The following VRK2 variants were observed in gnomAD, a reference collection of about 807,000 sequenced individuals.
VRK2 encodes the protein VRK serine/threonine kinase 2.
In VRK2, 60 loss-of-function variants were observed where a neutral mutation model predicts 57.6. The observed-to-expected ratio is 1.04, with a 90% confidence interval of 0.85 to 1.29. The LOEUF (loss-of-function observed/expected upper bound fraction) is 1.29. Ranked by LOEUF, VRK2 falls within the 50% of genes most tolerant of loss-of-function variation. The pLI is 0.00. For missense variants in VRK2, 705 were observed against 588.1 expected (o/e 1.20, Z -2.06); for synonymous variants, 231 against 199.2 (o/e 1.16, Z -1.35).
At chr2:57,931,698 G>A (rs1311571967) in intron 1 of VRK2, among the ~76,000 whole-genome samples, 1 of 151,998 alleles carries the variant, frequency 6.6e-6, no homozygotes, top group East Asian at 1.9e-4. Flanking sequence ...CAAGATCGAT[G>A]TCATGGACAT....
intron 7 of VRK2, among the ~76,000 whole-genome samples, chr2:58,111,671 A>G (rs1381482384): frequency 2.0e-5 from 3 of 152,118 alleles, no homozygotes; most frequent in African/African-American, 7.2e-5. Flanking sequence ...AAATAATCAC[A>G]CCTACCTGAT....
chr2:57,968,804 T>G (rs902988403), intron 1 of VRK2, among the ~76,000 whole-genome samples: 4 of 152,126 alleles, frequency 2.6e-5, no homozygotes, highest in African/African-American at 9.7e-5. Context: ...AATGTTGTTC[T>G]GTTACGAAAA....
intron 2 of VRK2, among the ~76,000 whole-genome samples, chr2:58,076,684 C>G (rs938303569): frequency 6.6e-6 from 1 of 151,494 alleles, no homozygotes; most frequent in Non-Finnish European, 1.5e-5. Flanking sequence ...TTTAAGTTTA[C>G]AGATGATAGT....
chr2:57,983,301 C>G (rs910682120), intron 1 of VRK2, among the ~76,000 whole-genome samples: 11 of 152,188 alleles, frequency 7.2e-5, no homozygotes, highest in Non-Finnish European at 2.9e-5. Flanking sequence ...TATATACGTC[C>G]TCTGACCATA....
chr2:57,948,882 G>C (rs894563273), intron 1 of VRK2, among the ~76,000 whole-genome samples: 2 of 152,082 alleles, frequency 1.3e-5, no homozygotes, highest in African/African-American at 4.8e-5. Flanking sequence ...AAGTTAAGCG[G>C]AAAAGGGTAG....
chr2:57,945,539 A>C (rs1329956524), intron 1 of VRK2, among the ~76,000 whole-genome samples: 1 of 152,212 alleles, frequency 6.6e-6, no homozygotes, highest in African/African-American at 2.4e-5. Flanking sequence ...AATTCTCATC[A>C]TGCTATTCAC....
chr2:57,925,265 T>A (rs931140443), intron 1 of VRK2, among the ~76,000 whole-genome samples: 1 of 152,124 alleles, frequency 6.6e-6, no homozygotes, highest in Non-Finnish European at 1.5e-5. Flanking sequence ...TTTTTCAAAA[T>A]AGTTTGAGTA....
intron 2 of VRK2, among the ~76,000 whole-genome samples, chr2:58,068,242 T>A (rs1310258411): frequency 6.6e-6 from 1 of 152,212 alleles, no homozygotes; most frequent in Non-Finnish European, 1.5e-5. Context: ...TTAGAAATTC[T>A]TAACACAGCA....
At chr2:58,128,493 C>T (rs761117738) in intron 8 of VRK2, among the ~76,000 whole-genome samples, 10 of 151,884 alleles carry the variant, frequency 6.6e-5, no homozygotes, top group Non-Finnish European at 1.2e-4. Context: ...CACAAAGCCC[C>T]GCTAATTTTT....
intron 12 of VRK2, among the ~76,000 whole-genome samples, chr2:58,151,785 A>G (rs1264790426): frequency 1.2e-5 from 1 of 86,050 alleles, no homozygotes; most frequent in African/African-American, 4.5e-5. Flanking sequence ...ACTCTAGAGC[A>G]AGGGGTCAGT....
chr2:58,045,551 G>T (rs1353024541), upstream of VRK2, among the ~76,000 whole-genome samples: 2 of 152,168 alleles, frequency 1.3e-5, no homozygotes, highest in African/African-American at 4.8e-5. Context: ...GACACTGTTG[G>T]ACCAGTGAAT....
upstream of VRK2, among the ~76,000 whole-genome samples, chr2:58,043,267 G>A (rs759622540): frequency 7.9e-5 from 12 of 152,066 alleles, no homozygotes; most frequent in South Asian, 8.3e-4. Flanking sequence ...TTCAATAATG[G>A]CCTCAAAGAC....
At position 58,089,662 on chromosome 2, in the gene VRK2, A is replaced by C; in HGVS notation, c.482A>C (p.Glu161Ala). Residue 161 changes from glutamate (E) to alanine (A), a missense_variant, in exon 7 of 13, where the codon GAA becomes GCA. By Grantham distance (107) the Glu-to-Ala change is moderately radical (BLOSUM62 -1). Transcript: ENST00000340157. ...GTACTGGAATATATACATGAAAATG[A>C]ATATGTTCATGGTGATATAAAAGCA... The part of the protein sequence containing the change: ...LDVLEYIHEN[E>A]YVHGDIKAAN... 1 of 1,606,776 alleles carries C rather than the reference A, an allele frequency of 6.2e-7. No individual in the cohort carries two copies. Among genetic ancestry groups the C allele is most frequent in the Non-Finnish European group, 8.5e-7 (1 of 1,175,412 alleles).
chr2:58,105,539 A>G (rs1674613467), intron 7 of VRK2, among the ~76,000 whole-genome samples: 1 of 151,852 alleles, frequency 6.6e-6, no homozygotes, highest in African/African-American at 2.4e-5. Flanking sequence ...AGAAAGACAA[A>G]AAATAACATG....
intron 1 of VRK2, among the ~76,000 whole-genome samples, chr2:57,975,357 T>G (rs1672217455): frequency 6.6e-6 from 1 of 152,016 alleles, no homozygotes; most frequent in Non-Finnish European, 1.5e-5. Flanking sequence ...AAAACAAGGA[T>G]ATACTCTATA....
chr2:57,926,998 T>TTGTGTGTGTGTGTGTGTGTGTGTGTG (rs57943937), intron 1 of VRK2, among the ~76,000 whole-genome samples: 37 of 142,822 alleles, frequency 2.6e-4, no homozygotes, highest in African/African-American at 9.4e-4. Flanking sequence ...TTTTAATTTC[T>TTGTGTGTGTGTGTGTGTGTGTGTGTG]TGTGTGTGTG....
At chr2:58,054,596 G>C (rs1295440344) in intron 2 of VRK2, among the ~76,000 whole-genome samples, 1 of 151,982 alleles carries the variant, frequency 6.6e-6, no homozygotes, top group Non-Finnish European at 1.5e-5. Flanking sequence ...TATGAGGTGT[G>C]TTTCTTCTTT....
At chr2:58,109,217 G>C (rs961715134) in intron 7 of VRK2, among the ~76,000 whole-genome samples, 2 of 151,982 alleles carry the variant, frequency 1.3e-5, no homozygotes, top group African/African-American at 4.8e-5. Context: ...CTTAGAGTAG[G>C]TGCTGTTATG....
At chr2:57,958,409 A>T (rs1026817001) in intron 1 of VRK2, among the ~76,000 whole-genome samples, 1 of 148,558 alleles carries the variant, frequency 6.7e-6, no homozygotes, top group African/African-American at 2.5e-5. Flanking sequence ...ATATGTGTGT[A>T]TGTGTGTGTG....
Sources: gnomAD v4.1 joint callset for allele counts (sites outside exome capture counted in the v4.1 genomes callset) on GRCh38, gnomAD v4.1.1 for gene constraint, MANE v1.5 for transcripts, NCBI Gene and HGNC (gene_info 2026-07-23, HGNC 2026-07-21) for gene names.